GJB6: variants seen among roughly 807,000 people sequenced by gnomAD.
GJB6 encodes the protein gap junction beta-6 protein.
Under a neutral mutation model 5.4 loss-of-function variants are expected in GJB6, and 5 were observed. The ratio of observed to expected loss-of-function variants is 0.92; its 90% CI spans 0.48 to 1.93. The LOEUF is 1.93. GJB6 is among the 30% of genes most tolerant of loss of function. GJB6 has a pLI of 0.01. For missense variants in GJB6, 298 were observed against 326.9 expected (o/e 0.91, Z 0.68); for synonymous variants, 136 against 129.6 (o/e 1.05, Z -0.34).
rs1869224872 is a variant in GJB6 at position 20,222,299 on chromosome 13, T to A, written c.*396A>T. ...CCAGTCATTATAAAAATACTTTATA[T>A]AAATTCAAAGTCAGAACTAAAAACA... On this transcript the variant is annotated 3_prime_UTR_variant, in exon 5 of 5. Transcript: ENST00000647029. 5.6e-6 allele frequency: 1 copy of A among 178,062 alleles called. No homozygotes were observed. The highest frequency in any genetic ancestry group is 5.5e-5 in the Admixed American group (1 of 18,106). 11.0% of individuals were successfully genotyped at this position (178,062 alleles called of 1,614,324 possible).
intron 4 of GJB6, among the ~76,000 whole-genome samples, chr13:20,228,707 A>C (rs1465906687): frequency 6.7e-6 from 1 of 150,334 alleles, no homozygotes; most frequent in Non-Finnish European, 1.5e-5. Flanking sequence ...GATGGTCTCG[A>C]TCTCCTGACC....
chr13:20,229,114 G>T (rs1593369395), intron 4 of GJB6, among the ~76,000 whole-genome samples: 3 of 74,130 alleles, frequency 4.0e-5, no homozygotes, highest in East Asian at 4.6e-4. Flanking sequence ...CCCTTTCAAT[G>T]TCATTTAGCA....
rs146231737 is a variant in GJB6 at position 20,222,862 on chromosome 13, C to T, written c.619G>A (p.Val207Met). 19 of 1,614,000 alleles carry T rather than the reference C, an allele frequency of 1.2e-5. No individual in the cohort carries two copies. Among genetic ancestry groups the T allele is most frequent in the African/African-American group, 4.0e-5 (3 of 74,870 alleles). Residue 207 changes from valine to methionine, a missense_variant, in exon 5 of 5, where the codon GTG becomes ATG. Transcript: ENST00000647029. The stretch of plus-strand genomic sequence containing the variant: ...AGCAGCAGGTAGCACAACTCTGCCA[C>T]GTTAAGCAGCATGCAAATCACAGAC... ...SASVICMLLNVAELCYLLLKV... is the reference protein window; with the variant it reads ...SASVICMLLNMAELCYLLLKV...
chr13:20,222,997 G>GGTACCCATT lies in GJB6; in HGVS notation c.475_483dup (p.Asn159_Tyr161dup). The GGTACCCATT allele has an allele frequency of 6.2e-7, 1 of 1,614,072 alleles. No individual in the cohort carries two copies. The highest frequency in any genetic ancestry group is 1.7e-5 in the Admixed American group (1 of 60,008). ...CCACATTTCAACACCCAGGGCAGGT[G>GGTACCCATT]GTACCCATTGTAAAGGAAGTAAAAC... On this transcript the variant is annotated inframe_insertion, in exon 5 of 5. Transcript: ENST00000647029.
intron 4 of GJB6, among the ~76,000 whole-genome samples, chr13:20,224,473 C>G (rs1311716132): frequency 6.6e-6 from 1 of 152,102 alleles, no homozygotes; most frequent in East Asian, 1.9e-4. Context: ...GCAGTATAAC[C>G]AAGCCCACGT....
chr13:20,223,722 T>C (rs1869387680), intron 4 of GJB6, among the ~76,000 whole-genome samples: 1 of 151,984 alleles, frequency 6.6e-6, no homozygotes, highest in African/African-American at 2.4e-5. Flanking sequence ...ACCCAGCACT[T>C]TGGGAGGCAG....
In GJB6 at chr13:20,223,472, C is replaced by T; in HGVS notation, c.9G>A (p.Trp3Ter). 3 of 1,614,002 alleles carry T rather than the reference C, an allele frequency of 1.9e-6. No homozygotes were observed. The highest frequency in any genetic ancestry group is 2.5e-6 in the Non-Finnish European group (3 of 1,179,900). MD[W>*]GTLHTFIGGV... Reference sequence around the variant, plus strand: ...CCCCGATGAAAGTGTGCAGCGTCCCCCAATCCATTGCGCTGGTTTATCCCT... The same window carrying T: ...CCCCGATGAAAGTGTGCAGCGTCCCTCAATCCATTGCGCTGGTTTATCCCT... The change falls in exon 5 of 5, where the codon TGG (tryptophan) becomes TGA (stop). Residue 3 changes from tryptophan (W) to a stop codon, truncating the protein, a stop_gained. Transcript: ENST00000647029. LOFTEE classifies it high-confidence loss of function.
intron 4 of GJB6, chr13:20,225,148 C>T (rs1266074066): frequency 6.6e-6 from 1 of 151,934 alleles, no homozygotes; most frequent in East Asian, 1.9e-4. Flanking sequence ...TTTTTTTTGC[C>T]CTTGGTTGGG....
intron 4 of GJB6, among the ~76,000 whole-genome samples, chr13:20,226,666 T>C (rs1233260379): frequency 6.6e-6 from 1 of 152,246 alleles, no homozygotes; most frequent in East Asian, 1.9e-4. Context: ...GCAAGAAATT[T>C]GTACGTCTTG....
chr13:20,229,147 A>AATAAAT (rs1869871391), intron 4 of GJB6, among the ~76,000 whole-genome samples: 1 of 89,196 alleles, frequency 1.1e-5, no homozygotes, highest in African/African-American at 5.9e-5. Context: ...AAAAAAAAAA[A>AATAAAT]AAATTTTTTT....
In GJB6 at chr13:20,222,601, T is replaced by C; in HGVS notation, c.*94A>G. On this transcript the variant is annotated 3_prime_UTR_variant, in exon 5 of 5. Coordinates refer to ENST00000647029, the MANE Select transcript of GJB6 (RefSeq NM_001110219.3). ...TTTATTATGAAAGTCATTTACAAACTCTTCAGGCTACAGAAGGAACTTTCA... is the reference window on the plus strand; with the variant it reads ...TTTATTATGAAAGTCATTTACAAACCCTTCAGGCTACAGAAGGAACTTTCA... 3 of 1,001,594 alleles carry C rather than the reference T, an allele frequency of 3.0e-6. No individual in the cohort carries two copies. The highest frequency in any genetic ancestry group is 4.8e-6 in the Non-Finnish European group (3 of 629,884). The allele number at this position is 1,001,594 out of a possible 1,614,324, so 62.0% of individuals were successfully genotyped here.
chr13:20,223,054 G>A lies in GJB6; in HGVS notation c.427C>T (p.Arg143Ter), dbSNP rs749296000. 1.1e-5 allele frequency: 17 copies of A among 1,613,334 alleles called. No homozygotes were observed. The highest frequency in any genetic ancestry group is 5.5e-5 in the South Asian group (5 of 91,082). Residue 143 changes from arginine (R) to a stop codon, truncating the protein, a stop_gained, in exon 5 of 5, where the codon CGA (arginine) becomes TGA (stop). Transcript: ENST00000647029. LOFTEE classifies it low-confidence loss of function (END_TRUNC). ...WWTYTSSIFF[R>*]IIFEAAFMYV... ...ATAAAGGCTGCTTCAAAGATGATTC[G>A]GAAAAAGATGCTGCTGGTGTACGTC...
intron 4 of GJB6, among the ~76,000 whole-genome samples, chr13:20,225,928 C>T (rs1869545654): frequency 6.6e-6 from 1 of 152,202 alleles, no homozygotes; most frequent in East Asian, 1.9e-4. Flanking sequence ...TTAGGAGGAA[C>T]ATCCTTATCA....
At chr13:20,228,720 A>G (rs7339428) in intron 4 of GJB6, among the ~76,000 whole-genome samples, 97,801 of 149,996 alleles carry the variant, frequency 0.65, 32,072 homozygotes, top group Admixed American at 0.7. Context: ...TCCTGACCTC[A>G]TGATCCGCCC....
intron 4 of GJB6, among the ~76,000 whole-genome samples, chr13:20,229,123 C>CAAAAAAAAAAAAAAAAAAAAAAA (rs5802041): frequency 2.3e-5 from 1 of 43,872 alleles, no homozygotes; most frequent in African/African-American, 9.9e-5. Context: ...TGTCATTTAG[C>CAAAAAAAAAAAAAAAAAAAAAAA]AAAAAAAAAA....
At chr13:20,227,985 T>G (rs115769900) in intron 4 of GJB6, among the ~76,000 whole-genome samples, 3,428 of 143,862 alleles carry the variant, frequency 0.024, 136 homozygotes, top group African/African-American at 0.082. Context: ...AAGGATGTTG[T>G]GGGTTGGGGG....
intron 4 of GJB6, among the ~76,000 whole-genome samples, chr13:20,229,312 T>A (rs1037758850): frequency 8.1e-6 from 1 of 123,996 alleles, no homozygotes; most frequent in African/African-American, 3.2e-5. Context: ...CCATACCTGG[T>A]TAATTTTTTT....
At position 20,222,777 on chromosome 13, in the gene GJB6, G is replaced by A. The variant is rs1014466160; in HGVS notation, c.704C>T (p.Ala235Val). 2 of 1,613,812 alleles carry A rather than the reference G, an allele frequency of 1.2e-6. No homozygotes were observed. The highest frequency in any genetic ancestry group is 2.7e-5 in the African/African-American group (2 of 74,996). ...AQTQKNHPNHALKESKQNEMN... is the reference protein window; with the variant it reads ...AQTQKNHPNHVLKESKQNEMN... ...TTCATTCTGCTTACTCTCCTTTAGG[G>A]CATGATTGGGGTGATTTTTTTGCGT... The change falls in exon 5 of 5, where the codon GCC (alanine) becomes GTC (valine). Residue 235 changes from alanine to valine, a missense_variant. Coordinates refer to ENST00000647029, the MANE Select transcript of GJB6 (RefSeq NM_001110219.3).
In GJB6 at chr13:20,228,363, C is replaced by T. The variant is rs114700054; in HGVS notation, c.-16+1217G>A. On this transcript the variant is annotated intron_variant, in intron 4 of 4. Coordinates refer to ENST00000647029, the MANE Select transcript of GJB6 (RefSeq NM_001110219.3). ...GCTTAGCTTCTGCAGTCTTCAACTT[C>T]TAAGAATGTGATTACATTTAAACTT... 8.4e-3 allele frequency among the ~76,000 whole-genome samples: 1,276 copies of T among 152,248 alleles called. 23 individuals carry two copies. Among genetic ancestry groups the T allele is most frequent in the African/African-American group, 0.029 (1,199 of 41,532 alleles).
Sources: allele counts gnomAD v4.1 joint callset (sites outside exome capture counted in the v4.1 genomes callset), GRCh38; gene constraint gnomAD v4.1.1; transcripts MANE v1.5; gene names NCBI Gene and HGNC (gene_info 2026-07-23, HGNC 2026-07-21).